The following DST variants were observed in gnomAD, a reference collection of about 807,000 sequenced individuals.
DST encodes dystonin.
In DST, 253 loss-of-function variants were observed where a neutral mutation model predicts 875.2. That is an observed-to-expected ratio of 0.29 (90% CI 0.26 to 0.32). The LOEUF (loss-of-function observed/expected upper bound fraction) is 0.32. DST is among the 10% of genes least tolerant of loss of function. The pLI is 1.00. For synonymous variants in DST, 3,124 were observed against 3,197.1 expected (o/e 0.98, Z 0.77); for missense variants, 8,287 against 9,111.6 (o/e 0.91, Z 3.68).
At chr6:56,911,187 AAGGGAGGAAGGG>A (rs1430292620) in intron 2 of DST, among the ~76,000 whole-genome samples, 1 of 152,170 alleles carries the variant, frequency 6.6e-6, no homozygotes, top group Non-Finnish European at 1.5e-5. Flanking sequence ...TAGAGGCTGC[AAGGGAGGAAGGG>A]AAGGAGGAAG....
At chr6:56,757,429 G>T (rs1589727260) in intron 4 of DST, among the ~76,000 whole-genome samples, 1 of 152,202 alleles carries the variant, frequency 6.6e-6, no homozygotes, top group South Asian at 2.1e-4. Flanking sequence ...CCAAGTTCTG[G>T]CAAACCACAT....
chr6:56,727,811 G>C (rs2099471546), intron 5 of DST, among the ~76,000 whole-genome samples: 1 of 152,160 alleles, frequency 6.6e-6, no homozygotes, highest in South Asian at 2.1e-4. Context: ...TCAAGATTCT[G>C]TGTCTTTATA....
intron 4 of DST, among the ~76,000 whole-genome samples, chr6:56,827,382 T>C (rs370215100): frequency 6.6e-6 from 1 of 151,650 alleles, no homozygotes; most frequent in Admixed American, 6.6e-5. Flanking sequence ...GGCGTGGTGG[T>C]GTGTGCCTGC....
At chr6:56,586,219 G>A (rs1473281968) in intron 49 of DST, among the ~76,000 whole-genome samples, 61 of 150,762 alleles carry the variant, frequency 4.0e-4, no homozygotes, top group Non-Finnish European at 7.7e-4. Flanking sequence ...CATTATTATT[G>A]TGTGGGAGTC....
intron 41 of DST, 66 bp from the exon 42 acceptor site, chr6:56,603,486 A>G: frequency 6.3e-7 from 1 of 1,593,350 alleles, no homozygotes; most frequent in East Asian, 2.2e-5. Context: ...AACATGAAAC[A>G]TAGAAGTGTT....
chr6:56,466,304 G>C (rs2094573061), intron 98 of DST, 109 bp from the exon 99 acceptor site: 1 of 647,380 alleles, frequency 1.5e-6, no homozygotes, highest in Non-Finnish European at 2.5e-6. Context: ...TTCTTGCTTA[G>C]TTCATAGCGA....
At chr6:56,627,391 G>A (rs1268501810) in intron 33 of DST, 104 bp from the exon 34 acceptor site, 9 of 829,118 alleles carry the variant, frequency 1.1e-5, no homozygotes, top group Admixed American at 1.7e-5. Context: ...TCACAGTACA[G>A]CTCCTTAGCC....
chr6:56,617,134 T>C, intron 36 of DST: 1 of 1,608,804 alleles, frequency 6.2e-7, no homozygotes, highest in Non-Finnish European at 8.5e-7. Context: ...GCTGCTCAAT[T>C]GTTCTCATGT....
intron 9 of DST, among the ~76,000 whole-genome samples, chr6:56,678,358 C>T (rs1224329298): frequency 6.6e-6 from 1 of 152,216 alleles, no homozygotes; most frequent in Admixed American, 6.5e-5. Flanking sequence ...TTTGCTAATT[C>T]TAGCTAAACC....
At chr6:56,516,249 C>T (rs898340426) in intron 71 of DST, among the ~76,000 whole-genome samples, 6 of 151,878 alleles carry the variant, frequency 4.0e-5, no homozygotes, top group South Asian at 2.1e-4. Context: ...GTGCTATACA[C>T]GGATTTAATG....
rs1253593324 is a variant in DST, at chr6:56,594,096, GGA to G, written c.12291_12292del (p.Pro4098Ter). On this transcript the variant is annotated frameshift_variant, in exon 48 of 104. Transcript: ENST00000680361. LOFTEE classifies it high-confidence loss of function. ...CTTTTGCAGTTTCTCTTTTTCTTCAGGAGAGAGATACTGACCCTGTTTCTCAA... is the reference window on the plus strand; with the variant it reads ...CTTTTGCAGTTTCTCTTTTTCTTCAGGAGAGATACTGACCCTGTTTCTCAA... 1 of 1,610,624 alleles carries G rather than the reference GGA, an allele frequency of 6.2e-7. No individual in the cohort carries two copies. The highest frequency in any genetic ancestry group is 8.5e-7 in the Non-Finnish European group (1 of 1,179,124).
intron 4 of DST, among the ~76,000 whole-genome samples, chr6:56,844,660 G>C (rs564691987): frequency 3.9e-5 from 6 of 152,102 alleles, no homozygotes; most frequent in Non-Finnish European, 7.4e-5. Context: ...GGATCACGAG[G>C]TCAGGAGTTC....
intron 10 of DST, among the ~76,000 whole-genome samples, chr6:56,668,252 T>C (rs1447069536): frequency 6.6e-6 from 1 of 152,208 alleles, no homozygotes; most frequent in Non-Finnish European, 1.5e-5. Flanking sequence ...CTAAGTCACC[T>C]GGAAAGTGTA....
chr6:56,512,083 T>C (rs989032416), intron 72 of DST, among the ~76,000 whole-genome samples: 1 of 152,188 alleles, frequency 6.6e-6, no homozygotes, highest in African/African-American at 2.4e-5. Context: ...GACACACATA[T>C]GAATGAATCT....
chr6:56,712,443 T>C (rs974406577), intron 5 of DST, among the ~76,000 whole-genome samples: 1 of 152,180 alleles, frequency 6.6e-6, no homozygotes, highest in African/African-American at 2.4e-5. Flanking sequence ...TTAACGTGTC[T>C]AAGGAGAAAA....
chr6:56,881,465 T>A (rs920368113), intron 3 of DST, among the ~76,000 whole-genome samples: 1 of 151,876 alleles, frequency 6.6e-6, no homozygotes, highest in Non-Finnish European at 1.5e-5. Flanking sequence ...AGAGTGAGAC[T>A]CATCTCAAAA....
Position 56,604,918 on chromosome 6 carries a change from G to A in DST, c.9710C>T (p.Pro3237Leu). The A allele has an allele frequency of 6.2e-7, 1 of 1,612,608 alleles. No homozygotes were observed. The highest frequency in any genetic ancestry group is 8.5e-7 in the Non-Finnish European group (1 of 1,179,222). Residue 3237 changes from proline to leucine, a missense_variant, in exon 40 of 104, where the codon CCT becomes CTT. Physicochemically the swap from Pro to Leu is moderately conservative, Grantham distance 98. Transcript: ENST00000680361. Reference sequence around the variant, plus strand: ...ATTGCTTTGGATCATGTCATTAAGAGGTGAGTCTTTTTGGGTACTAGTGGA... The same window carrying A: ...ATTGCTTTGGATCATGTCATTAAGAAGTGAGTCTTTTTGGGTACTAGTGGA... ...EKSTSTQKDS[P>L]LNDMIQSNDL...
chr6:56,712,430 C>G (rs1489403250), intron 5 of DST, among the ~76,000 whole-genome samples: 1 of 152,108 alleles, frequency 6.6e-6, no homozygotes, highest in Non-Finnish European at 1.5e-5. Flanking sequence ...GGGTCATTAT[C>G]ACTTAACGTG....
chr6:56,678,533 G>C (rs2099141553), intron 9 of DST, among the ~76,000 whole-genome samples: 1 of 152,166 alleles, frequency 6.6e-6, no homozygotes, highest in African/African-American at 2.4e-5. Context: ...AAAACGAAGA[G>C]TAGTTTATTA....
Sources: gnomAD v4.1 joint callset for allele counts (sites outside exome capture counted in the v4.1 genomes callset) on GRCh38, gnomAD v4.1.1 for gene constraint, MANE v1.5 for transcripts, NCBI Gene and HGNC (gene_info 2026-07-23, HGNC 2026-07-21) for gene names.